ENOX2: variants seen among roughly 807,000 people sequenced by gnomAD.
ENOX2 encodes the protein APK1 antigen.
ENOX2 carries 36 observed loss-of-function variants against 45.0 expected under a neutral mutation model. That is an observed-to-expected ratio of 0.80 (90% CI 0.61 to 1.06). The LOEUF (loss-of-function observed/expected upper bound fraction) is 1.06. ENOX2 is among the 50% of genes least tolerant of loss of function. ENOX2 has a pLI of 0.00. For synonymous variants in ENOX2, 174 were observed against 152.3 expected (o/e 1.14, Z -1.05); for missense variants, 423 against 462.5 (o/e 0.91, Z 0.78).
intron 3 of ENOX2, among the ~76,000 whole-genome samples, chrX:130,717,125 G>GT (rs1185053850): frequency 8.9e-6 from 1 of 112,248 alleles, no homozygotes; most frequent in Non-Finnish European, 1.9e-5. Context: ...CAGGCTGGGA[G>GT]TATTTGCTTA....
intron 2 of ENOX2, among the ~76,000 whole-genome samples, chrX:130,798,318 A>C (rs891598760): frequency 8.0e-5 from 9 of 112,792 alleles, no homozygotes; most frequent in Non-Finnish European, 1.7e-4. Flanking sequence ...GTGCAGCCAG[A>C]ATTGAGAAAC....
chrX:130,770,585 G>C (rs1005460760), intron 3 of ENOX2, among the ~76,000 whole-genome samples: 1 of 111,091 alleles, frequency 9.0e-6, no homozygotes, highest in Non-Finnish European at 1.9e-5. Flanking sequence ...AAAGAAAAAT[G>C]GGCAAAGGAT....
chrX:130,797,249 T>C (rs1192309851), intron 2 of ENOX2, among the ~76,000 whole-genome samples: 1 of 111,624 alleles, frequency 9.0e-6, no homozygotes, highest in Non-Finnish European at 1.9e-5. Context: ...GAAACCATTG[T>C]ACCAGGCAAA....
intron 6 of ENOX2, 104 bp downstream of exon 6, chrX:130,679,437 GC>G: frequency 1.6e-6 from 1 of 618,949 alleles, no homozygotes; most frequent in Non-Finnish European, 2.7e-6. Context: ...GAAGGCAAGA[GC>G]AGGTAATACT....
intron 2 of ENOX2, among the ~76,000 whole-genome samples, chrX:130,875,565 T>C (rs778104969): frequency 4.5e-5 from 5 of 111,483 alleles, no homozygotes; most frequent in African/African-American, 1.3e-4. Context: ...AGAAAAGTGG[T>C]TTTTCAAACA....
intron 2 of ENOX2, among the ~76,000 whole-genome samples, chrX:130,882,211 C>G (rs1004556929): frequency 9.2e-6 from 1 of 109,081 alleles, no homozygotes; most frequent in African/African-American, 3.4e-5. Context: ...ACTTATGACC[C>G]AGAAGTGGTC....
chrX:130,775,136 C>T (rs1027835746), intron 3 of ENOX2, among the ~76,000 whole-genome samples: 17 of 111,989 alleles, frequency 1.5e-4, no homozygotes, highest in African/African-American at 5.5e-4. Context: ...AATCCCAGCA[C>T]TTTGGGAGGA....
chrX:130,706,489 G>A (rs1475813750), intron 3 of ENOX2, among the ~76,000 whole-genome samples: 1 of 111,211 alleles, frequency 9.0e-6, no homozygotes, highest in Non-Finnish European at 1.9e-5. Context: ...ATTCTAAAAA[G>A]CAAGAAGCAC....
intron 11 of ENOX2, among the ~76,000 whole-genome samples, chrX:130,635,637 C>T (rs184939407): frequency 4.5e-4 from 50 of 111,894 alleles, no homozygotes; most frequent in African/African-American, 1.5e-3. Context: ...GTTACATGCA[C>T]GGTCTCATTT....
chrX:130,686,865 C>G (rs1235926185), intron 5 of ENOX2, among the ~76,000 whole-genome samples: 1 of 111,992 alleles, frequency 8.9e-6, no homozygotes, highest in Non-Finnish European at 1.9e-5. Context: ...TGTTTGAATT[C>G]AATTCCAAGG....
At chrX:130,634,467 A>G (rs1301345580) in intron 12 of ENOX2, among the ~76,000 whole-genome samples, 1 of 111,780 alleles carries the variant, frequency 8.9e-6, no homozygotes, top group East Asian at 2.8e-4. Context: ...CTAGCTTTAG[A>G]ATACTGTGTC....
intron 3 of ENOX2, among the ~76,000 whole-genome samples, chrX:130,782,017 C>T (rs1020276694): frequency 1.8e-5 from 2 of 110,466 alleles, no homozygotes; most frequent in African/African-American, 3.3e-5. Context: ...ATTAGAGTGC[C>T]GTACAATAAC....
chrX:130,867,027 T>C (rs1426164089), intron 2 of ENOX2, among the ~76,000 whole-genome samples: 2 of 111,224 alleles, frequency 1.8e-5, no homozygotes, highest in Non-Finnish European at 3.8e-5. Context: ...AAAGTAATTA[T>C]TCATGTAAAT....
In ENOX2 at chrX:130,703,115, C is replaced by T. The variant is rs973579054; in HGVS notation, c.97+5G>A. ...GCACTTGCGAGGTGATTAAAAATAA[C>T]ATACCAGGTAAAATTGGTTGTCCGG... is the stretch of plus-strand genomic sequence containing the variant. On this transcript the variant is annotated splice_donor_5th_base_variant and intron_variant, in intron 4 of 14. Coordinates refer to ENST00000394363, the MANE Select transcript of ENOX2 (RefSeq NM_006375.4). The T allele has an allele frequency of 1.7e-6, 2 of 1,205,168 alleles. No homozygotes were observed. Among genetic ancestry groups the T allele is most frequent in the East Asian group, 5.9e-5 (2 of 33,694 alleles).
intron 6 of ENOX2, among the ~76,000 whole-genome samples, chrX:130,671,381 A>T (rs2036987096): frequency 1.8e-5 from 2 of 111,943 alleles, no homozygotes; most frequent in Non-Finnish European, 3.8e-5. Context: ...TTATTTCCTA[A>T]TAAGAAAGTT....
intron 2 of ENOX2, among the ~76,000 whole-genome samples, chrX:130,829,306 C>G (rs1199544202): frequency 9.0e-6 from 1 of 111,678 alleles, no homozygotes; most frequent in Non-Finnish European, 1.9e-5. Context: ...CATGCACTAT[C>G]TCATTTAATT....
In ENOX2 at chrX:130,623,875, AAGTCATTAAAAAC is replaced by A. The variant is rs1318663706; in HGVS notation, c.*1426_*1438del. 8.9e-6 allele frequency: 1 copy of A among 112,219 alleles called. No homozygotes were observed. Among genetic ancestry groups the A allele is most frequent in the Non-Finnish European group, 1.9e-5 (1 of 53,330 alleles). 9.2% of individuals were successfully genotyped at this position (112,219 alleles called of 1,213,427 possible). ...ACTACTAATGGATTACTTAGAGCGT[AAGTCATTAAAAAC>A]AGGACACAAAACTGAGGTATAAAAA... On this transcript the variant is annotated 3_prime_UTR_variant, in exon 15 of 15. Coordinates refer to ENST00000394363, the MANE Select transcript of ENOX2 (RefSeq NM_006375.4).
intron 3 of ENOX2, among the ~76,000 whole-genome samples, chrX:130,759,852 A>G (rs2039441808): frequency 1.8e-5 from 2 of 110,548 alleles, no homozygotes; most frequent in African/African-American, 6.6e-5. Flanking sequence ...ATACCTTGCT[A>G]AAATTTTGAT....
intron 9 of ENOX2, among the ~76,000 whole-genome samples, chrX:130,657,694 C>T (rs944508754): frequency 2.7e-5 from 3 of 112,129 alleles, no homozygotes; most frequent in South Asian, 3.7e-4. Context: ...GTAAATTGAC[C>T]GTTACGACAA....
Sources: gnomAD v4.1 joint callset for allele counts (sites outside exome capture counted in the v4.1 genomes callset) on GRCh38, gnomAD v4.1.1 for gene constraint, MANE v1.5 for transcripts, NCBI Gene and HGNC (gene_info 2026-07-23, HGNC 2026-07-21) for gene names.